Variants in NPIPB2 observed in about 807,000 individuals in gnomAD.
NPIPB2 encodes the protein nuclear pore complex interacting protein family member B2.
In NPIPB2, 27 loss-of-function variants were observed where a neutral mutation model predicts 30.8. The observed-to-expected ratio is 0.88, with a 90% CI of 0.65 to 1.21. NPIPB2 has a LOEUF of 1.21. NPIPB2 is among the 50% of genes most tolerant of loss of function. NPIPB2 has a pLI of 0.00. For synonymous variants in NPIPB2, 147 were observed against 162.0 expected, an observed-to-expected ratio of 0.91 and a Z score of 0.70; for missense variants, 440 against 446.2, an observed-to-expected ratio of 0.99 and a Z score of 0.13.
exon 4 of NPIPB2, chr16:11,933,706 C>G (rs1178178970): frequency 1.3e-6 from 2 of 1,596,916 alleles, no homozygotes; most frequent in East Asian, 2.2e-5. Flanking sequence ...ACAAATGGAC[C>G]TCAGCCCTTG....
chr16:11,969,123 T>TC (rs1220562089), intron 1 of NPIPB2, among the ~76,000 whole-genome samples: 1 of 152,078 alleles, frequency 6.6e-6, no homozygotes, highest in Non-Finnish European at 1.5e-5. Flanking sequence ...TGCCTTGGCC[T>TC]CCCAAAGTGT....
chr16:11,944,082 A>G (rs1049155220), upstream of NPIPB2, among the ~76,000 whole-genome samples: 16 of 151,724 alleles, frequency 1.1e-4, no homozygotes, highest in South Asian at 8.3e-4. Flanking sequence ...TACTCGGTAC[A>G]TTACCACAAA....
intron 1 of NPIPB2, chr16:11,967,505 C>T: frequency 6.6e-7 from 1 of 1,522,298 alleles, no homozygotes; most frequent in East Asian, 2.3e-5. Context: ...ATGTGTACTG[C>T]TAAGACTCTC....
intron 1 of NPIPB2, chr16:11,966,377 A>T: frequency 6.3e-7 from 1 of 1,597,058 alleles, no homozygotes; most frequent in Non-Finnish European, 8.5e-7. Flanking sequence ...ATCTATTTCC[A>T]GGGGATGGCT....
chr16:11,934,767 G>A (rs1462967292), intron 2 of NPIPB2, among the ~76,000 whole-genome samples: 7 of 143,050 alleles, frequency 4.9e-5, no homozygotes, highest in East Asian at 2.1e-4. Context: ...GCTGAGGCAG[G>A]AGAACTGCTT....
intron 1 of NPIPB2, among the ~76,000 whole-genome samples, chr16:11,970,856 GTTTCTT>G (rs1332466209): frequency 3.1e-5 from 4 of 128,534 alleles, no homozygotes; most frequent in African/African-American, 5.6e-5. Flanking sequence ...TTTCTTACTC[GTTTCTT>G]TTTTTTTTTT....
At chr16:11,975,529 C>T (rs1013836557) in intron 1 of NPIPB2, among the ~76,000 whole-genome samples, 3 of 152,002 alleles carry the variant, frequency 2.0e-5, no homozygotes, top group African/African-American at 7.2e-5. Context: ...AACTCCTTAA[C>T]CACCTGCTCT....
chr16:11,966,140 G>C, intron 1 of NPIPB2: 1 of 1,488,564 alleles, frequency 6.7e-7, no homozygotes, highest in African/African-American at 1.4e-5. Context: ...TAACAATAAA[G>C]TATGTGAATA....
rs183959185 is a variant in NPIPB2, at chr16:11,972,610, C to T, written c.-584+3958G>A. Among the ~76,000 whole-genome samples the T allele has an allele frequency of 2.4e-4, 37 of 152,036 alleles. No individual in the cohort carries two copies. In the East Asian group the frequency reaches 6.6e-3, roughly 27 times the overall value. On this transcript the variant is annotated intron_variant, in intron 1 of 5. Transcript: ENST00000538896. ...GAAAAAAAAGCTAGGTGTGGTGGCT[C>T]ACGCCTGTAATCCCAGCACTTTGGG...
chr16:11,947,322 T>TTATTTATTTTTA (rs144577397), intron 1 of NPIPB2, among the ~76,000 whole-genome samples: 1 of 119,998 alleles, frequency 8.3e-6, no homozygotes, highest in African/African-American at 4.4e-5. Flanking sequence ...ATTTATTTAT[T>TTATTTATTTTTA]TATATATATA....
chr16:11,944,945 G>A (rs949742649), upstream of NPIPB2, among the ~76,000 whole-genome samples: 1 of 151,660 alleles, frequency 6.6e-6, no homozygotes, highest in Non-Finnish European at 1.5e-5. Flanking sequence ...TTGGAAGGTT[G>A]AGGTGGGTGG....
chr16:11,951,857 C>A (rs963626704), intron 1 of NPIPB2, among the ~76,000 whole-genome samples: 5 of 148,610 alleles, frequency 3.4e-5, no homozygotes, highest in African/African-American at 2.5e-5. Flanking sequence ...GAAACCCCGT[C>A]TCTACTAAAA....
intron 1 of NPIPB2, among the ~76,000 whole-genome samples, chr16:11,964,712 G>T (rs541707136): frequency 6.6e-6 from 1 of 152,294 alleles, no homozygotes; most frequent in African/African-American, 2.4e-5. Flanking sequence ...ACGGCGCCCA[G>T]CTTACACCAG....
At chr16:11,939,370 G>C (rs2054908596) in intron 1 of NPIPB2, among the ~76,000 whole-genome samples, 1 of 151,752 alleles carries the variant, frequency 6.6e-6, no homozygotes, top group Admixed American at 6.6e-5. Context: ...GACCATCCTA[G>C]CTAACACGGT....
At chr16:11,954,662 C>G (rs946441337) in intron 1 of NPIPB2, among the ~76,000 whole-genome samples, 6 of 151,592 alleles carry the variant, frequency 4.0e-5, no homozygotes, top group African/African-American at 1.5e-4. Flanking sequence ...AATCCCAGCA[C>G]TTTGGGAGGC....
At chr16:11,945,910 A>T (rs76485668), upstream of NPIPB2, among the ~76,000 whole-genome samples, 870 of 151,900 alleles carry the variant, frequency 5.7e-3, 13 homozygotes, top group African/African-American at 0.02. Flanking sequence ...TCTCTCTCAC[A>T]TTCAAACATG....
intron 1 of NPIPB2, among the ~76,000 whole-genome samples, chr16:11,950,102 C>G (rs2055049271): frequency 6.6e-6 from 1 of 152,160 alleles, no homozygotes; most frequent in Non-Finnish European, 1.5e-5. Flanking sequence ...GTGGCATGAT[C>G]TTGGCTCATT....
At chr16:11,976,501 G>A (rs2055299586) in intron 1 of NPIPB2, 5 of 337,414 alleles carry the variant, frequency 1.5e-5, no homozygotes, top group Non-Finnish European at 2.7e-5. Flanking sequence ...GGGAACCTCA[G>A]GAAGGCAGGG....
intron 1 of NPIPB2, among the ~76,000 whole-genome samples, chr16:11,947,050 A>ATT (rs2055017857): frequency 7.2e-6 from 1 of 139,076 alleles, no homozygotes; most frequent in African/African-American, 2.5e-5. Context: ...TTATATATAT[A>ATT]TATATATATG....
Sources: gnomAD v4.1 joint callset for allele counts (sites outside exome capture counted in the v4.1 genomes callset) on GRCh38, gnomAD v4.1.1 for gene constraint, MANE v1.5 for transcripts, NCBI Gene and HGNC (gene_info 2026-07-23, HGNC 2026-07-21) for gene names.